JPT1: variants seen among roughly 807,000 people sequenced by gnomAD.
The protein encoded by JPT1 is androgen-regulated protein 2.
A neutral mutation model predicts 17.0 loss-of-function variants in JPT1; 5 were observed. The observed-to-expected ratio is 0.29, with a 90% CI of 0.15 to 0.62. The LOEUF (loss-of-function observed/expected upper bound fraction) is 0.62, where lower values mean the gene tolerates loss of function less well. JPT1 is among the 20% of genes least tolerant of loss of function. JPT1 has a pLI of 0.85. For missense variants in JPT1, 158 were observed against 188.1 expected (o/e 0.84, Z 0.94); for synonymous variants, 71 against 73.6 (o/e 0.96, Z 0.18).
intron 4 of JPT1, chr17:75,146,426 T>G: frequency 2.4e-6 from 1 of 415,144 alleles, no homozygotes. Flanking sequence ...GTGTTGAGAT[T>G]ACAGGCGTGA....
intron 1 of JPT1, 35 bp from the exon 2 acceptor site, chr17:75,148,706 T>C (rs747739619): frequency 6.2e-7 from 1 of 1,606,940 alleles, no homozygotes; most frequent in Non-Finnish European, 8.5e-7. Flanking sequence ...CTTCAGATCA[T>C]ACTGAAACAT....
At chr17:75,152,295 A>T (rs186932394) in intron 1 of JPT1, among the ~76,000 whole-genome samples, 183 of 152,332 alleles carry the variant, frequency 1.2e-3, no homozygotes, top group Admixed American at 2.0e-3. Context: ...AGCAATTTTT[A>T]AAAAATTGCT....
At chr17:75,145,663 T>A (rs1222710013) in intron 4 of JPT1, 1 of 152,184 alleles carries the variant, frequency 6.6e-6, no homozygotes, top group Non-Finnish European at 1.5e-5. Context: ...ATTAAAAAGC[T>A]CTCTCTGGCT....
Position 75,148,632 on chromosome 17 carries a change from TA to T in JPT1, c.95del (p.Leu32Ter). ...RPPGGGSNFS[L>X]GFDEPTEQPV... Reference sequence around the variant, plus strand: ...GTTGTTCTGTTGGTTCATCAAAACCTAATGAAAAATTGGATCCACCACCTGG... The same window carrying T: ...GTTGTTCTGTTGGTTCATCAAAACCTATGAAAAATTGGATCCACCACCTGG... On this transcript the variant is annotated frameshift_variant, in exon 2 of 5. Transcript: ENST00000409753. LOFTEE classifies it high-confidence loss of function. The T allele has an allele frequency of 2.5e-6, 4 of 1,614,194 alleles. No homozygotes were observed. Among genetic ancestry groups the T allele is most frequent in the Non-Finnish European group, 3.4e-6 (4 of 1,180,016 alleles).
chr17:75,136,018 A>G lies in JPT1; in HGVS notation c.*84T>C, dbSNP rs1415017569. On this transcript the variant is annotated 3_prime_UTR_variant, in exon 5 of 5. Coordinates refer to ENST00000409753, the MANE Select transcript of JPT1 (RefSeq NM_016185.4). ...TGCTTCTTTTTAATGAAACAAATCC[A>G]AGAGATGTACAGTCAGGCTCAAGTT... 6.2e-7 allele frequency: 1 copy of G among 1,611,782 alleles called. No homozygotes were observed. The highest frequency in any genetic ancestry group is 2.2e-5 in the East Asian group (1 of 44,858).
At position 75,148,517 on chromosome 17, in the gene JPT1, T is replaced by C. The variant is rs1476654973; in HGVS notation, c.199+12A>G. The C allele has an allele frequency of 8.7e-6, 14 of 1,613,924 alleles. No homozygotes were observed. Among genetic ancestry groups the C allele is most frequent in the Middle Eastern group, 1.7e-4 (1 of 6,032 alleles). On this transcript the variant is annotated intron_variant, in intron 2 of 4. Coordinates refer to ENST00000409753, the MANE Select transcript of JPT1 (RefSeq NM_016185.4). ...CATCCCTTTGAACAGTGAGCACAGA[T>C]AACAAGAGTACCTGCTGACTTGGCC...
intron 4 of JPT1, among the ~76,000 whole-genome samples, chr17:75,144,141 G>C (rs1230850898): frequency 6.6e-6 from 1 of 152,136 alleles, no homozygotes; most frequent in Non-Finnish European, 1.5e-5. Context: ...CCAACTCCAA[G>C]GTACAGGAGC....
intron 4 of JPT1, among the ~76,000 whole-genome samples, chr17:75,138,201 A>T (rs2074244291): frequency 6.6e-6 from 1 of 151,366 alleles, no homozygotes; most frequent in South Asian, 2.1e-4. Context: ...ACCTCAGGTG[A>T]TCCAACCTGC....
intron 4 of JPT1, chr17:75,141,107 C>G (rs1181430598): frequency 6.6e-6 from 1 of 151,812 alleles, no homozygotes; most frequent in Non-Finnish European, 1.5e-5. Flanking sequence ...AAAACAAAAA[C>G]AAAACCACAA....
intron 4 of JPT1, chr17:75,142,833 A>G (rs768522711): frequency 2.2e-6 from 1 of 454,734 alleles, no homozygotes; most frequent in Non-Finnish European, 4.4e-6. Context: ...CTTCGGTCCA[A>G]TGCAAAAGTA....
At chr17:75,138,816 CATTTATTTTATTT>C in intron 4 of JPT1, among the ~76,000 whole-genome samples, 1 of 152,174 alleles carries the variant, frequency 6.6e-6, no homozygotes, top group Non-Finnish European at 1.5e-5. Context: ...ATTGGACAGA[CATTTATTTTATTT>C]ATTTATTTTT....
intron 4 of JPT1, chr17:75,142,894 AC>A: frequency 9.9e-6 from 4 of 405,080 alleles, no homozygotes; most frequent in South Asian, 5.2e-5. Flanking sequence ...ATACACACAC[AC>A]ACACACAAAA....
intron 4 of JPT1, chr17:75,145,463 A>C (rs1017022780): frequency 2.6e-5 from 4 of 152,244 alleles, no homozygotes; most frequent in African/African-American, 9.6e-5. Context: ...TAATTAAGTC[A>C]ATGATTACAG....
intron 4 of JPT1, among the ~76,000 whole-genome samples, chr17:75,137,556 A>T (rs1220254095): frequency 6.6e-6 from 1 of 150,524 alleles, no homozygotes; most frequent in Non-Finnish European, 1.5e-5. Flanking sequence ...TTTTTAAAAG[A>T]TGGGGTCTCC....
intron 3 of JPT1, 122 bp from the exon 4 acceptor site, chr17:75,146,806 ATCAAGCACAGGGTCAG>A (rs1246770727): frequency 4.4e-6 from 3 of 682,300 alleles, no homozygotes; most frequent in East Asian, 5.5e-5. Context: ...TTGTGTTGCA[ATCAAGCACAGGGTCAG>A]TCTGCTACCT....
At chr17:75,154,151 G>T in intron 1 of JPT1, 191 bp downstream of exon 1, 1 of 285,718 alleles carries the variant, frequency 3.5e-6, no homozygotes, top group South Asian at 1.6e-4. Context: ...GCAGGGACCC[G>T]GGTGGGGCCG....
chr17:75,150,794 T>C (rs2074534185), intron 1 of JPT1, among the ~76,000 whole-genome samples: 1 of 151,524 alleles, frequency 6.6e-6, no homozygotes, highest in East Asian at 1.9e-4. Flanking sequence ...GTGATATGAG[T>C]GGTCTGGTTT....
chr17:75,144,873 G>A (rs2074393551), intron 4 of JPT1, among the ~76,000 whole-genome samples: 1 of 151,948 alleles, frequency 6.6e-6, no homozygotes, highest in Admixed American at 6.6e-5. Flanking sequence ...TTGTTGTGGT[G>A]TGAAAAAAAG....
intron 4 of JPT1, among the ~76,000 whole-genome samples, chr17:75,144,210 T>C (rs1415133584): frequency 6.6e-6 from 1 of 152,142 alleles, no homozygotes; most frequent in African/African-American, 2.4e-5. Flanking sequence ...GGGCTGTTTA[T>C]TTGTATCCTT....
Sources: gnomAD v4.1 joint callset for allele counts (sites outside exome capture counted in the v4.1 genomes callset) on GRCh38, gnomAD v4.1.1 for gene constraint, MANE v1.5 for transcripts, NCBI Gene and HGNC (gene_info 2026-07-23, HGNC 2026-07-21) for gene names.